The following CHST9 variants were observed in gnomAD, a reference collection of about 807,000 sequenced individuals.
CHST9 encodes the protein carbohydrate sulfotransferase 9, also known as GalNAc-4-sulfotransferase 2.
A neutral mutation model predicts 44.4 loss-of-function variants in CHST9; 41 were observed. That is an observed-to-expected ratio of 0.92 (90% CI 0.72 to 1.20). The LOEUF (loss-of-function observed/expected upper bound fraction) is 1.20. CHST9 is among the 50% of genes most tolerant of loss of function. The pLI, the probability that CHST9 is intolerant of heterozygous loss-of-function variation, is 0.00. For missense variants in CHST9, 504 were observed against 516.5 expected (o/e 0.98, Z 0.23); for synonymous variants, 171 against 178.4 (o/e 0.96, Z 0.33).
intron 1 of CHST9, among the ~76,000 whole-genome samples, chr18:27,154,182 G>T (rs916069709): frequency 6.6e-6 from 1 of 151,742 alleles, no homozygotes; most frequent in South Asian, 2.1e-4. Flanking sequence ...AGCATTTTTT[G>T]CATGATAATC....
At chr18:26,980,323 T>C (rs1022134716) in intron 4 of CHST9, among the ~76,000 whole-genome samples, 1 of 152,168 alleles carries the variant, frequency 6.6e-6, no homozygotes, top group Non-Finnish European at 1.5e-5. Flanking sequence ...AGATTCACAA[T>C]ACATTCTTAT....
At chr18:26,957,757 G>C (rs985187311) in intron 4 of CHST9, among the ~76,000 whole-genome samples, 4 of 152,118 alleles carry the variant, frequency 2.6e-5, no homozygotes, top group African/African-American at 9.7e-5. Context: ...GGGTTATGTT[G>C]GGTGAACAGG....
intron 1 of CHST9, among the ~76,000 whole-genome samples, chr18:27,170,955 C>T (rs2058829370): frequency 2.0e-5 from 3 of 152,168 alleles, no homozygotes; most frequent in African/African-American, 4.8e-5. Flanking sequence ...CTCAGAATAA[C>T]TGGGGACATC....
intron 2 of CHST9, among the ~76,000 whole-genome samples, chr18:27,097,488 A>T (rs1480555892): frequency 3.9e-5 from 6 of 152,066 alleles, no homozygotes; most frequent in Admixed American, 3.9e-4. Context: ...TTCTATACTT[A>T]AAAAACACTA....
chr18:27,111,143 C>A (rs892966940), intron 2 of CHST9, among the ~76,000 whole-genome samples: 1 of 152,172 alleles, frequency 6.6e-6, no homozygotes, highest in East Asian at 1.9e-4. Flanking sequence ...AGAGAACAAA[C>A]CTTATTTGTA....
intron 1 of CHST9, among the ~76,000 whole-genome samples, chr18:27,153,117 T>C (rs1367329931): frequency 6.6e-6 from 1 of 152,176 alleles, no homozygotes; most frequent in Non-Finnish European, 1.5e-5. Context: ...TCTGCTCCTG[T>C]GTGTGGAAGT....
In CHST9 at chr18:27,014,453, C is replaced by CAAAAAAAAAAAAAAA. The variant is rs57437876; in HGVS notation, c.202+9648_202+9662dup. ...TGGGCGACAGAGCGAGACTCTGTCTCAAAAAAAAAAAAAAAAAAAAAAAAA... is the reference window on the plus strand; with the variant it reads ...TGGGCGACAGAGCGAGACTCTGTCTCAAAAAAAAAAAAAAAAAAAAAAAAAAAAAAAAAAAAAAAA... On this transcript the variant is annotated intron_variant, in intron 4 of 5. Transcript: ENST00000618847. Among the ~76,000 whole-genome samples, 13 of 39,438 alleles carry CAAAAAAAAAAAAAAA rather than the reference C, an allele frequency of 3.3e-4. 2 individuals carry two copies. Among genetic ancestry groups the CAAAAAAAAAAAAAAA allele is most frequent in the Non-Finnish European group, 3.7e-4 (9 of 24,030 alleles). The allele number at this position is 39,438 out of a possible 152,430, so 25.9% of individuals were successfully genotyped here. A position where few individuals can be genotyped will look rare whatever the true frequency, so the allele number is the denominator to read the frequency against.
At chr18:27,093,205 G>A (rs928054166) in intron 2 of CHST9, among the ~76,000 whole-genome samples, 21 of 152,224 alleles carry the variant, frequency 1.4e-4, no homozygotes, top group African/African-American at 5.1e-4. Context: ...AGGGATCAGG[G>A]ACCCACTTGA....
intron 1 of CHST9, among the ~76,000 whole-genome samples, chr18:27,149,280 T>A (rs2058640362): frequency 6.6e-6 from 1 of 151,798 alleles, no homozygotes; most frequent in Admixed American, 6.6e-5. Flanking sequence ...CATTTGTCAA[T>A]TTTAGCTTTT....
chr18:27,149,576 TTGTC>T (rs2058643508), intron 1 of CHST9, among the ~76,000 whole-genome samples: 1 of 151,108 alleles, frequency 6.6e-6, no homozygotes, highest in Admixed American at 6.6e-5. Context: ...ATTGCTGAAG[TTGTC>T]TGTACAAACT....
At chr18:27,041,886 G>A (rs1402149228) in intron 3 of CHST9, among the ~76,000 whole-genome samples, 1 of 152,102 alleles carries the variant, frequency 6.6e-6, no homozygotes, top group Non-Finnish European at 1.5e-5. Context: ...TCCATTTTGA[G>A]GAAGGGAAAA....
At chr18:26,959,137 T>A (rs2056367476) in intron 4 of CHST9, among the ~76,000 whole-genome samples, 1 of 152,152 alleles carries the variant, frequency 6.6e-6, no homozygotes, top group Admixed American at 6.5e-5. Flanking sequence ...TATGCAGCCA[T>A]GAAAAAATGA....
intron 4 of CHST9, among the ~76,000 whole-genome samples, chr18:26,950,446 C>T (rs1419772289): frequency 6.6e-6 from 1 of 152,120 alleles, no homozygotes; most frequent in Non-Finnish European, 1.5e-5. Flanking sequence ...GCACAATTCG[C>T]AGTTGCAAAA....
chr18:27,018,902 C>T (rs2057186693), intron 4 of CHST9, among the ~76,000 whole-genome samples: 1 of 152,190 alleles, frequency 6.6e-6, no homozygotes, highest in East Asian at 1.9e-4. Flanking sequence ...CCTCTTTACC[C>T]TCTAACCTTC....
At chr18:27,018,903 T>G (rs2057186756) in intron 4 of CHST9, among the ~76,000 whole-genome samples, 1 of 152,140 alleles carries the variant, frequency 6.6e-6, no homozygotes, top group South Asian at 2.1e-4. Context: ...CTCTTTACCC[T>G]CTAACCTTCG....
chr18:26,932,166 CT>C (rs774373693), intron 5 of CHST9, among the ~76,000 whole-genome samples: 6 of 152,178 alleles, frequency 3.9e-5, no homozygotes, highest in Non-Finnish European at 7.4e-5. Context: ...AGAAGCTCTA[CT>C]GAACATCATT....
At chr18:26,962,053 C>T (rs1287178700) in intron 4 of CHST9, among the ~76,000 whole-genome samples, 3 of 152,150 alleles carry the variant, frequency 2.0e-5, no homozygotes, top group Non-Finnish European at 2.9e-5. Context: ...AGTCCAGTCT[C>T]CATTCAGATG....
At chr18:26,984,141 T>A (rs765469611) in intron 4 of CHST9, among the ~76,000 whole-genome samples, 23 of 152,220 alleles carry the variant, frequency 1.5e-4, no homozygotes, top group Admixed American at 1.5e-3. Context: ...CCATGAGCTA[T>A]GGAAATTAAT....
In CHST9 at chr18:27,060,616, T is replaced by C. The variant is rs140370740; in HGVS notation, c.122-12113A>G. Among the ~76,000 whole-genome samples the C allele has an allele frequency of 2.4e-3, 359 of 152,334 alleles. 1 individual carries two copies. Among genetic ancestry groups the C allele is most frequent in the Non-Finnish European group, 4.3e-3 (292 of 68,028 alleles). On this transcript the variant is annotated intron_variant, in intron 2 of 5. Coordinates refer to ENST00000618847, the MANE Select transcript of CHST9 (RefSeq NM_031422.6). ...TTGTCAGGGAAGGGCAGTAACTTTC[T>C]AGCTTTATTTACTGTGAAAAACACA...
Sources: gnomAD v4.1 joint callset for allele counts (sites outside exome capture counted in the v4.1 genomes callset) on GRCh38, gnomAD v4.1.1 for gene constraint, MANE v1.5 for transcripts, NCBI Gene and HGNC (gene_info 2026-07-23, HGNC 2026-07-21) for gene names.